Variants in RSPRY1 observed in about 807,000 individuals in gnomAD.
RSPRY1 encodes RING finger and SPRY domain-containing protein 1.
In RSPRY1, 23 loss-of-function variants were observed where a neutral mutation model predicts 73.1. The observed-to-expected ratio is 0.31, with a 90% CI of 0.23 to 0.45. The LOEUF is 0.45. RSPRY1 is among the 20% of genes least tolerant of loss of function. The probability of loss-of-function intolerance (pLI) is 1.00; values close to 1 mark genes in which losing one functional copy is unlikely to be tolerated. For missense variants in RSPRY1, 448 were observed against 698.7 expected, an observed-to-expected ratio of 0.64 and a Z score of 4.05; for synonymous variants, 226 against 251.4, an observed-to-expected ratio of 0.90 and a Z score of 0.95.
intron 1 of RSPRY1, among the ~76,000 whole-genome samples, chr16:57,191,524 T>C (rs1715271307): frequency 6.6e-6 from 1 of 152,226 alleles, no homozygotes; most frequent in South Asian, 2.1e-4. Flanking sequence ...ATTCCTGCAG[T>C]ATTCAGGAAG....
intron 10 of RSPRY1, 107 bp from the exon 11 acceptor site, chr16:57,227,235 A>G: frequency 1.4e-6 from 1 of 734,504 alleles, no homozygotes; most frequent in Non-Finnish European, 2.4e-6. Flanking sequence ...ATCATCCAGA[A>G]AGCTTAGAAT....
upstream of RSPRY1, chr16:57,186,174 T>TTCG (rs373352754): frequency 3.0e-4 from 299 of 985,774 alleles, 1 homozygote; most frequent in African/African-American, 4.8e-3. Flanking sequence ...GGATGAGGAC[T>TTCG]GGCCAGTCTG....
intron 8 of RSPRY1, among the ~76,000 whole-genome samples, chr16:57,218,442 C>T (rs1194641485): frequency 6.6e-6 from 1 of 152,092 alleles, no homozygotes; most frequent in East Asian, 1.9e-4. Context: ...GTTCTTCATT[C>T]TATCTAGCTA....
intron 5 of RSPRY1, 146 bp from the exon 6 acceptor site, chr16:57,213,741 GA>G: frequency 1.5e-6 from 1 of 665,158 alleles, no homozygotes. Flanking sequence ...CTGTGAAATG[GA>G]GCTAGTACTA....
intron 14 of RSPRY1, among the ~76,000 whole-genome samples, chr16:57,236,224 T>A (rs918930961): frequency 1.3e-5 from 2 of 152,230 alleles, no homozygotes; most frequent in Non-Finnish European, 2.9e-5. Context: ...AATGTTAAGA[T>A]CTCAAACAGC....
chr16:57,219,563 C>T (rs1769922005), intron 8 of RSPRY1: 1 of 152,138 alleles, frequency 6.6e-6, no homozygotes, highest in Non-Finnish European at 1.5e-5. Flanking sequence ...GGTTATTAAT[C>T]CTTTGTCGAA....
chr16:57,230,489 TG>T (rs1385614464), intron 11 of RSPRY1, among the ~76,000 whole-genome samples: 2 of 152,258 alleles, frequency 1.3e-5, no homozygotes, highest in Non-Finnish European at 2.9e-5. Flanking sequence ...ATCTTAAGAT[TG>T]GCTTGTCATA....
rs2075112683 is a variant in RSPRY1 at position 57,225,868 on chromosome 16, C to G, written c.1162-1474C>G. 3.3e-5 allele frequency among the ~76,000 whole-genome samples: 5 copies of G among 152,186 alleles called. No homozygotes were observed. The South Asian group carries it at 1.0e-3, about 32-fold the overall frequency. ...CCGAGGCGGGCAGATCACCTGAGGTCTAGAGTTCGAGACCAGCCTGACCAA... is the reference window on the plus strand; with the variant it reads ...CCGAGGCGGGCAGATCACCTGAGGTGTAGAGTTCGAGACCAGCCTGACCAA... On this transcript the variant is annotated intron_variant, in intron 10 of 14. Transcript: ENST00000394420.
intron 8 of RSPRY1, 174 bp from the exon 9 acceptor site, chr16:57,220,556 TAG>T (rs1317165309): frequency 5.2e-6 from 2 of 385,286 alleles, no homozygotes; most frequent in Non-Finnish European, 9.5e-6. Context: ...CAGATTTTTT[TAG>T]GTTTTCCTAA....
At chr16:57,233,578 C>T (rs1377236692) in intron 13 of RSPRY1, among the ~76,000 whole-genome samples, 1 of 152,126 alleles carries the variant, frequency 6.6e-6, no homozygotes, top group Non-Finnish European at 1.5e-5. Context: ...CCATGTTGCC[C>T]AGGCTGGTCT....
At chr16:57,224,162 G>A (rs1217930616) in intron 10 of RSPRY1, among the ~76,000 whole-genome samples, 4 of 152,214 alleles carry the variant, frequency 2.6e-5, no homozygotes, top group African/African-American at 4.8e-5. Context: ...TACAATAGCC[G>A]GTGTTTTAGG....
At chr16:57,199,125 A>G (rs7190847) in intron 1 of RSPRY1, among the ~76,000 whole-genome samples, 67,635 of 152,112 alleles carry the variant, frequency 0.44, 15,203 homozygotes, top group Non-Finnish European at 0.48. Context: ...AGTTACATAT[A>G]TACTGATATA....
At chr16:57,230,351 G>A (rs1422760308) in intron 11 of RSPRY1, among the ~76,000 whole-genome samples, 5 of 152,128 alleles carry the variant, frequency 3.3e-5, no homozygotes, top group Non-Finnish European at 7.4e-5. Context: ...TTTTGGGGTA[G>A]TTATCTAGGG....
intron 1 of RSPRY1, among the ~76,000 whole-genome samples, chr16:57,200,657 G>A (rs1455633611): frequency 2.9e-5 from 4 of 138,180 alleles, no homozygotes; most frequent in Admixed American, 7.0e-5. Flanking sequence ...TGGCCGGGCG[G>A]GGGGCTGACC....
At chr16:57,220,459 G>T in intron 8 of RSPRY1, 2 of 206,472 alleles carry the variant, frequency 9.7e-6, no homozygotes, top group Non-Finnish European at 2.0e-5. Flanking sequence ...TTTGCTATTG[G>T]CATATAGAAA....
At chr16:57,201,958 A>G (rs543852918) in intron 1 of RSPRY1, among the ~76,000 whole-genome samples, 11 of 152,162 alleles carry the variant, frequency 7.2e-5, no homozygotes, top group Admixed American at 3.3e-4. Context: ...GGAAAGAGAG[A>G]GAGAGGGAGA....
chr16:57,236,231 C>T (rs574970728), intron 14 of RSPRY1, among the ~76,000 whole-genome samples: 32 of 152,190 alleles, frequency 2.1e-4, no homozygotes, highest in South Asian at 1.7e-3. Flanking sequence ...AGATCTCAAA[C>T]AGCTGGATCT....
intron 6 of RSPRY1, among the ~76,000 whole-genome samples, 169 bp downstream of exon 6, chr16:57,214,115 T>G (rs1383629159): frequency 3.9e-5 from 6 of 152,190 alleles, no homozygotes; most frequent in Non-Finnish European, 8.8e-5. Flanking sequence ...CTCCTATGTT[T>G]AAAAAAGAGA....
chr16:57,217,519 C>CA (rs1176526000), intron 8 of RSPRY1, among the ~76,000 whole-genome samples: 3 of 152,132 alleles, frequency 2.0e-5, no homozygotes, highest in Admixed American at 2.0e-4. Context: ...GCTGCTGGGA[C>CA]AAAAACTACT....
Sources: allele counts gnomAD v4.1 joint callset (sites outside exome capture counted in the v4.1 genomes callset), GRCh38; gene constraint gnomAD v4.1.1; transcripts MANE v1.5; gene names NCBI Gene and HGNC (gene_info 2026-07-23, HGNC 2026-07-21).